The following DPF3 variants were observed in gnomAD, a reference collection of about 807,000 sequenced individuals.
The protein encoded by DPF3 is zinc finger protein DPF3.
In DPF3, 18 loss-of-function variants were observed where a neutral mutation model predicts 56.8. The ratio of observed to expected loss-of-function variants is 0.32; its 90% CI spans 0.22 to 0.47. DPF3 has a LOEUF of 0.47. Among genes scored for constraint, DPF3 ranks in the 20% least tolerant of loss-of-function variants. The pLI is 1.00. For synonymous variants in DPF3, 188 were observed against 180.2 expected (o/e 1.04, Z -0.35); for missense variants, 403 against 488.8 (o/e 0.82, Z 1.65).
At chr14:72,826,266 CCTGGGAAG>C (rs1266792801) in intron 1 of DPF3, among the ~76,000 whole-genome samples, 2 of 152,158 alleles carry the variant, frequency 1.3e-5, no homozygotes, top group African/African-American at 4.8e-5. Context: ...GTCTGCCTGG[CCTGGGAAG>C]ATGATAATGG....
intron 4 of DPF3, 68 bp downstream of exon 4, chr14:72,731,739 T>C (rs1051841688): frequency 1.9e-6 from 3 of 1,596,180 alleles, no homozygotes; most frequent in Non-Finnish European, 2.6e-6. Flanking sequence ...GCCAAGCCGG[T>C]GCTGGAGTTC....
intron 1 of DPF3, chr14:72,836,378 C>G: frequency 1.0e-6 from 1 of 985,520 alleles, no homozygotes; most frequent in African/African-American, 1.7e-5. Context: ...GAGAAACTGT[C>G]AGAGCAGGGG....
intron 3 of DPF3, among the ~76,000 whole-genome samples, chr14:72,735,762 A>G (rs1055103606): frequency 6.6e-6 from 1 of 152,216 alleles, no homozygotes. Context: ...TAGCTACGTA[A>G]CCTAAGCCTC....
chr14:72,867,927 G>T (rs1885742270), intron 1 of DPF3, among the ~76,000 whole-genome samples: 1 of 151,876 alleles, frequency 6.6e-6, no homozygotes. Context: ...TTTTTCTGGA[G>T]ACGGCATTTC....
At chr14:72,846,328 C>CTTTTTT (rs10563066) in intron 1 of DPF3, among the ~76,000 whole-genome samples, 31 of 62,440 alleles carry the variant, frequency 5.0e-4, no homozygotes, top group Admixed American at 1.3e-3. Context: ...CCAGGCTAGT[C>CTTTTTT]TTTTTTTTTT....
rs1265217345 is a variant in DPF3 at position 72,745,503 on chromosome 14, T to C, written c.301+7761A>G. ...ATATATATTATATGCATATATTCATTTATAGAATAAGTTCCTAGCAATAGA... is the reference window on the plus strand; with the variant it reads ...ATATATATTATATGCATATATTCATCTATAGAATAAGTTCCTAGCAATAGA... On this transcript the variant is annotated intron_variant, in intron 3 of 10. Transcript: ENST00000556509. Among the ~76,000 whole-genome samples the C allele has an allele frequency of 2.0e-5, 3 of 152,334 alleles. No individual in the cohort carries two copies. The East Asian group carries it at 5.8e-4, about 29-fold the overall frequency.
intron 6 of DPF3, among the ~76,000 whole-genome samples, chr14:72,705,823 T>C (rs1425171744): frequency 1.3e-5 from 2 of 152,048 alleles, no homozygotes; most frequent in Non-Finnish European, 2.9e-5. Context: ...AGAAACAAAC[T>C]GTCATCACAC....
intron 7 of DPF3, among the ~76,000 whole-genome samples, chr14:72,690,485 C>A (rs1176943666): frequency 6.6e-6 from 1 of 152,098 alleles, no homozygotes; most frequent in Non-Finnish European, 1.5e-5. Flanking sequence ...AACACACACA[C>A]ACGCAGGTAC....
intron 1 of DPF3, among the ~76,000 whole-genome samples, chr14:72,870,064 C>T (rs1161754189): frequency 6.6e-6 from 1 of 152,146 alleles, no homozygotes; most frequent in Non-Finnish European, 1.5e-5. Context: ...ATGGAAAAAA[C>T]TTTGGACAGT....
intron 8 of DPF3, among the ~76,000 whole-genome samples, chr14:72,659,671 G>A (rs1459662740): frequency 6.6e-6 from 1 of 152,098 alleles, no homozygotes; most frequent in Non-Finnish European, 1.5e-5. Context: ...TAAATTAGAG[G>A]GTGCAATCGC....
rs185207627 is a variant in DPF3, at chr14:72,757,037, G to C, written c.194-3666C>G. ...GAAGAGGGGAAGAAGGGGAGAGAGG[G>C]AGAGAGGGACAGAGGGGGAGAAAGG... is the stretch of plus-strand genomic sequence containing the variant. On this transcript the variant is annotated intron_variant, in intron 2 of 10. Transcript: ENST00000556509. Among the ~76,000 whole-genome samples, 388 of 126,632 alleles carry C rather than the reference G, an allele frequency of 3.1e-3. 5 individuals are homozygous for C. The highest frequency in any genetic ancestry group is 0.011 in the African/African-American group (361 of 32,912). 83.1% of individuals were successfully genotyped at this position (126,632 alleles called of 152,430 possible). A position where few individuals can be genotyped will look rare whatever the true frequency, so the allele number is the denominator to read the frequency against.
intron 8 of DPF3, among the ~76,000 whole-genome samples, chr14:72,632,569 G>A (rs1452294217): frequency 6.8e-6 from 1 of 146,792 alleles, no homozygotes; most frequent in African/African-American, 2.5e-5. Flanking sequence ...GTGGAAGGCA[G>A]ATAAGAAAAA....
chr14:72,834,657 C>T (rs568241547), intron 1 of DPF3, among the ~76,000 whole-genome samples: 1 of 152,238 alleles, frequency 6.6e-6, no homozygotes, highest in South Asian at 2.1e-4. Flanking sequence ...AAACTTCAAA[C>T]ACAGAGTTAT....
At chr14:72,857,892 G>A (rs1885231897) in intron 1 of DPF3, among the ~76,000 whole-genome samples, 1 of 152,120 alleles carries the variant, frequency 6.6e-6, no homozygotes, top group Non-Finnish European at 1.5e-5. Flanking sequence ...TGGCCTGCAA[G>A]GAGTTCGTTA....
chr14:72,844,087 G>A (rs568744786), intron 1 of DPF3, among the ~76,000 whole-genome samples: 6 of 152,256 alleles, frequency 3.9e-5, no homozygotes, highest in East Asian at 1.9e-4. Flanking sequence ...TCTTATGCCC[G>A]TACTATGTGC....
chr14:72,805,341 G>GCA (rs1254359298), intron 1 of DPF3, among the ~76,000 whole-genome samples: 1 of 151,900 alleles, frequency 6.6e-6, no homozygotes, highest in Non-Finnish European at 1.5e-5. Context: ...ATGGTGGCAG[G>GCA]TAACTGTAAT....
At chr14:72,709,592 A>G (rs543679650) in intron 6 of DPF3, among the ~76,000 whole-genome samples, 2 of 152,266 alleles carry the variant, frequency 1.3e-5, no homozygotes, top group African/African-American at 2.4e-5. Flanking sequence ...GCAGCCTTCA[A>G]GAGAATGAAA....
chr14:72,695,588 A>T (rs1567203142), intron 6 of DPF3, among the ~76,000 whole-genome samples: 1 of 152,206 alleles, frequency 6.6e-6, no homozygotes, highest in Non-Finnish European at 1.5e-5. Flanking sequence ...CATGTTGCAA[A>T]GGACATGATT....
At chr14:72,661,082 T>G in intron 8 of DPF3, 1 of 985,458 alleles carries the variant, frequency 1.0e-6, no homozygotes, top group Non-Finnish European at 1.2e-6. Context: ...TAACAGAAAC[T>G]TACACACACT....
Sources: allele counts gnomAD v4.1 joint callset (sites outside exome capture counted in the v4.1 genomes callset), GRCh38; gene constraint gnomAD v4.1.1; transcripts MANE v1.5; gene names NCBI Gene and HGNC (gene_info 2026-07-23, HGNC 2026-07-21).